TIMP2: variants seen among roughly 807,000 people sequenced by gnomAD.
TIMP2 encodes TIMP metallopeptidase inhibitor 2, also known as metalloproteinase inhibitor 2.
TIMP2 carries 5 observed loss-of-function variants against 24.3 expected under a neutral mutation model. The ratio of observed to expected loss-of-function variants is 0.21; its 90% CI spans 0.11 to 0.43. The LOEUF is 0.43. Ranked by LOEUF, TIMP2 falls within the 20% of genes least tolerant of loss-of-function variation. The probability of loss-of-function intolerance (pLI) is 1.00; values close to 1 mark genes in which losing one functional copy is unlikely to be tolerated. For synonymous variants in TIMP2, 130 were observed against 123.2 expected (o/e 1.06, Z -0.37); for missense variants, 221 against 297.5 (o/e 0.74, Z 1.89).
intron 1 of TIMP2, among the ~76,000 whole-genome samples, chr17:78,923,823 C>T (rs1365557862): frequency 6.6e-6 from 1 of 151,978 alleles, no homozygotes; most frequent in Admixed American, 6.6e-5. Flanking sequence ...GGCAAGAAGC[C>T]GTGGGCGGGG....
At chr17:78,872,856 T>G (rs1391914914) in intron 2 of TIMP2, among the ~76,000 whole-genome samples, 1 of 151,740 alleles carries the variant, frequency 6.6e-6, no homozygotes, top group East Asian at 1.9e-4. Flanking sequence ...TGAGATGGAG[T>G]TTCGCTCTTG....
intron 1 of TIMP2, chr17:78,902,583 T>G (rs553436740): frequency 6.6e-6 from 1 of 152,434 alleles, no homozygotes; most frequent in Admixed American, 6.5e-5. Flanking sequence ...GTGGAGATGG[T>G]TGGGCAGGCA....
rs543229379 is a variant in TIMP2, at chr17:78,888,169, T to C, written c.131-14250A>G. On this transcript the variant is annotated intron_variant, in intron 1 of 4. Coordinates refer to ENST00000262768, the MANE Select transcript of TIMP2 (RefSeq NM_003255.5). ...TCTTTTTGTTTCTTTTTTTTTTTTT[T>C]CCTTTTTTGAGATGGAGTCTCGCTC... 3.2e-4 allele frequency among the ~76,000 whole-genome samples: 49 copies of C among 151,374 alleles called. No individual in the cohort carries two copies. The East Asian group carries it at 9.1e-3, about 28-fold the overall frequency.
At chr17:78,903,676 G>A (rs886064888) in intron 1 of TIMP2, among the ~76,000 whole-genome samples, 1 of 152,162 alleles carries the variant, frequency 6.6e-6, no homozygotes, top group African/African-American at 2.4e-5. Flanking sequence ...GCCCACACAG[G>A]AGGAGAAGCC....
intron 1 of TIMP2, among the ~76,000 whole-genome samples, chr17:78,875,907 C>T (rs1368407851): frequency 6.6e-6 from 1 of 152,204 alleles, no homozygotes; most frequent in East Asian, 1.9e-4. Flanking sequence ...GCCCCACTGC[C>T]TCGCCTGGGC....
At chr17:78,890,748 T>C in intron 1 of TIMP2, 2 of 1,550,676 alleles carry the variant, frequency 1.3e-6, no homozygotes, top group Non-Finnish European at 1.7e-6. Flanking sequence ...ATCATCTGAC[T>C]GTGCCGGTCG....
At chr17:78,897,709 C>A (rs1457139729) in intron 1 of TIMP2, 2 of 152,252 alleles carry the variant, frequency 1.3e-5, no homozygotes, top group Non-Finnish European at 1.5e-5. Context: ...CCCAGAGTGC[C>A]TCTCTCCTCC....
In TIMP2 at chr17:78,907,645, G is replaced by A. The variant is rs141355969; in HGVS notation, c.130+17314C>T. Among the ~76,000 whole-genome samples, 258 of 152,294 alleles carry A rather than the reference G, an allele frequency of 1.7e-3. 2 individuals are homozygous for A. The highest frequency in any genetic ancestry group is 5.4e-3 in the African/African-American group (224 of 41,556). On this transcript the variant is annotated intron_variant, in intron 1 of 4. Transcript: ENST00000262768. ...GGACACAAACACATGAAGTGAACACGTGATGTGAGAAAAAAATGGCACCGA... is the reference window on the plus strand; with the variant it reads ...GGACACAAACACATGAAGTGAACACATGATGTGAGAAAAAAATGGCACCGA...
rs538699704 is a variant in TIMP2, at chr17:78,896,152, G to A, written c.131-22233C>T. On this transcript the variant is annotated intron_variant, in intron 1 of 4. Transcript: ENST00000262768. This position sits in a 1 kb window ranked among gnomAD's most constrained non-coding sequence, Gnocchi z 4.4. ...CACCATCAGATGCAACCTCGTCCCC[G>A]CTACCCCAGCTCTCCTTGCTCTCCC... Among the ~76,000 whole-genome samples, 27 of 152,276 alleles carry A rather than the reference G, an allele frequency of 1.8e-4. No individual in the cohort carries two copies. The East Asian group carries it at 3.3e-3, about 19-fold the overall frequency.
In TIMP2 at chr17:78,896,698, T is replaced by G. The variant is rs1427616600; in HGVS notation, c.131-22779A>C. On this transcript the variant is annotated intron_variant, in intron 1 of 4. Transcript: ENST00000262768. The surrounding 1 kb of genome is among the most constrained non-coding windows in gnomAD (Gnocchi z 4.4). Reference sequence around the variant, plus strand: ...ACTCAGAGAAACCACAGCTCCCCCCTCCGCAGAAGCCGCGCTCGGAGCAGC... The same window carrying G: ...ACTCAGAGAAACCACAGCTCCCCCCGCCGCAGAAGCCGCGCTCGGAGCAGC... Among the ~76,000 whole-genome samples the G allele has an allele frequency of 2.0e-5, 3 of 151,764 alleles. No individual in the cohort carries two copies. The highest frequency in any genetic ancestry group is 4.4e-5 in the Non-Finnish European group (3 of 67,912).
At chr17:78,895,311 AAC>A (rs2069981447) in intron 1 of TIMP2, among the ~76,000 whole-genome samples, 1 of 152,286 alleles carries the variant, frequency 6.6e-6, no homozygotes, top group South Asian at 2.1e-4. Context: ...AAAAATCAGC[AAC>A]AGATTTAAAT....
Position 78,854,291 on chromosome 17 carries a change from A to G in TIMP2, c.*1376T>C, listed in dbSNP as rs2069507116. The G allele has an allele frequency of 6.6e-6, 1 of 151,936 alleles. No homozygotes were observed. The highest frequency in any genetic ancestry group is 2.4e-5 in the African/African-American group (1 of 41,352). The allele number at this position is 151,936 out of a possible 1,614,324, so 9.4% of individuals were successfully genotyped here. A position where few individuals can be genotyped will look rare whatever the true frequency, so the allele number is the denominator to read the frequency against. Reference sequence around the variant, plus strand: ...AGATTCTCCTTATCATTACCGAGAAAGTTCTTCCTATCCTAACCCCCATAT... The same window carrying G: ...AGATTCTCCTTATCATTACCGAGAAGGTTCTTCCTATCCTAACCCCCATAT... On this transcript the variant is annotated 3_prime_UTR_variant, in exon 5 of 5. Coordinates refer to ENST00000262768, the MANE Select transcript of TIMP2 (RefSeq NM_003255.5).
chr17:78,914,255 CTATTCATTTATTTATTTATT>C (rs145100780), intron 1 of TIMP2, among the ~76,000 whole-genome samples: 14,955 of 106,580 alleles, frequency 0.14, 816 homozygotes, highest in Middle Eastern at 0.19. Flanking sequence ...GAAATTTTGG[CTATTCATTTATTTATTTATT>C]TATTTATTTA....
At chr17:78,902,020 T>C (rs2070101006) in intron 1 of TIMP2, 3 of 559,464 alleles carry the variant, frequency 5.4e-6, no homozygotes, top group Non-Finnish European at 6.4e-6. Flanking sequence ...ATACCCTCCA[T>C]GACACGCTGT....
intron 1 of TIMP2, among the ~76,000 whole-genome samples, chr17:78,888,796 G>T (rs2069850107): frequency 6.6e-6 from 1 of 152,176 alleles, no homozygotes; most frequent in South Asian, 2.1e-4. Context: ...GTAGCGCACA[G>T]GTAGTGAATA....
At chr17:78,888,313 C>T (rs2069845136) in intron 1 of TIMP2, among the ~76,000 whole-genome samples, 1 of 152,030 alleles carries the variant, frequency 6.6e-6, no homozygotes, top group South Asian at 2.1e-4. Context: ...ATGCCACCAC[C>T]ACGCCCGGCT....
intron 1 of TIMP2, among the ~76,000 whole-genome samples, chr17:78,876,936 G>A (rs924169050): frequency 2.0e-5 from 3 of 152,044 alleles, no homozygotes; most frequent in Non-Finnish European, 4.4e-5. Context: ...TCTTCCTCTG[G>A]GAAATCCTGT....
chr17:78,874,875 TG>T (rs1302196237), intron 1 of TIMP2, among the ~76,000 whole-genome samples: 6 of 152,076 alleles, frequency 3.9e-5, no homozygotes, highest in African/African-American at 9.7e-5. Flanking sequence ...CAAGTAGCTC[TG>T]ATTATAGGCA....
chr17:78,870,160 A>C (rs2069664140), intron 3 of TIMP2, among the ~76,000 whole-genome samples: 1 of 152,196 alleles, frequency 6.6e-6, no homozygotes, highest in African/African-American at 2.4e-5. Flanking sequence ...TCGCGCCTGT[A>C]ATCCTGCCAC....
Sources: allele counts gnomAD v4.1 joint callset (sites outside exome capture counted in the v4.1 genomes callset), GRCh38; gene constraint gnomAD v4.1.1; non-coding constraint Gnocchi (gnomAD v3.1); transcripts MANE v1.5; gene names NCBI Gene and HGNC (gene_info 2026-07-23, HGNC 2026-07-21).